Variants in EDIL3 observed in about 807,000 individuals in gnomAD.
The protein encoded by EDIL3 is EGF-like repeat and discoidin I-like domain-containing protein 3.
A neutral mutation model predicts 67.4 loss-of-function variants in EDIL3; 37 were observed. That is an observed-to-expected ratio of 0.55 (90% CI 0.42 to 0.72). EDIL3 has a LOEUF of 0.72. Among genes scored for constraint, EDIL3 ranks in the 30% least tolerant of loss-of-function variants. The pLI, the probability that EDIL3 is intolerant of heterozygous loss-of-function variation, is 0.00. For missense variants in EDIL3, 527 were observed against 586.3 expected, an observed-to-expected ratio of 0.90 and a Z score of 1.04; for synonymous variants, 195 against 196.3, an observed-to-expected ratio of 0.99 and a Z score of 0.05.
intron 3 of EDIL3, among the ~76,000 whole-genome samples, chr5:84,189,862 C>T (rs1743542047): frequency 1.3e-5 from 2 of 151,912 alleles, no homozygotes; most frequent in African/African-American, 4.8e-5. Flanking sequence ...ATGTAATGAA[C>T]ATATGACAAA....
intron 1 of EDIL3, among the ~76,000 whole-genome samples, chr5:84,261,656 C>T (rs528502658): frequency 6.6e-6 from 1 of 152,264 alleles, no homozygotes; most frequent in Admixed American, 6.5e-5. Flanking sequence ...TGCTATTTTA[C>T]TGGTAAATCA....
intron 3 of EDIL3, among the ~76,000 whole-genome samples, chr5:84,224,905 G>A (rs911765490): frequency 2.0e-5 from 3 of 151,280 alleles, no homozygotes; most frequent in Admixed American, 6.6e-5. Context: ...TTCATTTTGG[G>A]GTACAGTATC....
At chr5:84,077,193 A>C (rs1746877844) in intron 6 of EDIL3, among the ~76,000 whole-genome samples, 1 of 152,222 alleles carries the variant, frequency 6.6e-6, no homozygotes, top group African/African-American at 2.4e-5. Context: ...AGTTTTACTC[A>C]CCACTGTTTG....
chr5:84,329,619 G>A (rs146150542), intron 1 of EDIL3, among the ~76,000 whole-genome samples: 292 of 151,984 alleles, frequency 1.9e-3, no homozygotes, highest in African/African-American at 6.2e-3. Context: ...TTGATATTTC[G>A]TTGCTATGTC....
intron 4 of EDIL3, among the ~76,000 whole-genome samples, chr5:84,138,829 T>C (rs1018962430): frequency 2.0e-5 from 3 of 152,160 alleles, no homozygotes; most frequent in Admixed American, 1.3e-4. Context: ...AGAACAGAGA[T>C]AATTCATGAC....
chr5:84,031,941 A>T (rs1745932434), intron 9 of EDIL3, among the ~76,000 whole-genome samples: 1 of 152,222 alleles, frequency 6.6e-6, no homozygotes, highest in South Asian at 2.1e-4. Flanking sequence ...TAATGAAGAG[A>T]AGCACAAAAG....
At chr5:84,181,888 T>C (rs554064645) in intron 3 of EDIL3, among the ~76,000 whole-genome samples, 1 of 152,114 alleles carries the variant, frequency 6.6e-6, no homozygotes, top group Non-Finnish European at 1.5e-5. Context: ...GAAGTTAAGA[T>C]GTACATATTA....
chr5:84,258,970 C>CTTTTT (rs144344642), intron 1 of EDIL3, among the ~76,000 whole-genome samples: 1 of 77,924 alleles, frequency 1.3e-5, no homozygotes, highest in Non-Finnish European at 2.3e-5. Context: ...TTCGTAGAGT[C>CTTTTT]TTTTTTTTTT....
chr5:84,346,107 A>G (rs1367675819), intron 1 of EDIL3, among the ~76,000 whole-genome samples: 3 of 143,738 alleles, frequency 2.1e-5, no homozygotes, highest in Non-Finnish European at 4.6e-5. Context: ...TTAAATCTCT[A>G]TATCAGGAGT....
intron 6 of EDIL3, among the ~76,000 whole-genome samples, chr5:84,101,601 C>T (rs1374026428): frequency 2.0e-5 from 3 of 151,998 alleles, no homozygotes; most frequent in South Asian, 2.1e-4. Context: ...TGGAAATATA[C>T]GCCCTCCCAA....
chr5:84,367,649 G>T (rs990360198), intron 1 of EDIL3, among the ~76,000 whole-genome samples: 1 of 152,100 alleles, frequency 6.6e-6, no homozygotes, highest in Non-Finnish European at 1.5e-5. Context: ...TGGGCATGGT[G>T]GCACATGCCT....
Position 84,106,809 on chromosome 5 carries a change from A to G in EDIL3, c.491T>C (p.Ile164Thr). ...CQYKCSGPLG[I>T]EGGIISNQQI... ...CTGGTTTGATATAATTCCACCTTCA[A>G]TTCCCAGTGGGCCTGAGCATTCTGG... The change falls in exon 6 of 11, where the codon ATT (isoleucine) becomes ACT (threonine). Residue 164 changes from isoleucine to threonine, a missense_variant. Coordinates refer to ENST00000296591, the MANE Select transcript of EDIL3 (RefSeq NM_005711.5). 1 of 1,609,006 alleles carries G rather than the reference A, an allele frequency of 6.2e-7. No individual in the cohort carries two copies. Among genetic ancestry groups the G allele is most frequent in the African/African-American group, 1.3e-5 (1 of 74,710 alleles).
intron 1 of EDIL3, among the ~76,000 whole-genome samples, chr5:84,310,877 C>T (rs73144519): frequency 2.8e-3 from 428 of 152,154 alleles, no homozygotes; most frequent in African/African-American, 0.01. Context: ...GTGCGCTTAC[C>T]CAGTCAAAAA....
intron 5 of EDIL3, among the ~76,000 whole-genome samples, chr5:84,120,717 T>G (rs557603465): frequency 6.6e-6 from 1 of 151,992 alleles, no homozygotes; most frequent in African/African-American, 2.4e-5. Flanking sequence ...ATCAGTAGCA[T>G]TAGAAAACAA....
intron 9 of EDIL3, among the ~76,000 whole-genome samples, chr5:84,018,371 A>C (rs1227094627): frequency 6.6e-6 from 1 of 152,130 alleles, no homozygotes; most frequent in East Asian, 1.9e-4. Context: ...TGATAATTTA[A>C]CTCTTGCTTC....
intron 1 of EDIL3, among the ~76,000 whole-genome samples, chr5:84,330,901 C>T (rs545588272): frequency 3.3e-5 from 5 of 152,264 alleles, no homozygotes; most frequent in Admixed American, 2.0e-4. Context: ...TTGTTTATTC[C>T]CTTTTATTTC....
At chr5:84,357,351 T>C (rs1165597263) in intron 1 of EDIL3, among the ~76,000 whole-genome samples, 4 of 152,104 alleles carry the variant, frequency 2.6e-5, no homozygotes, top group Non-Finnish European at 5.9e-5. Context: ...AGTACCTCAT[T>C]AAAAATAACC....
intron 1 of EDIL3, among the ~76,000 whole-genome samples, chr5:84,260,871 C>G (rs530800055): frequency 2.0e-5 from 3 of 152,140 alleles, no homozygotes; most frequent in Non-Finnish European, 4.4e-5. Context: ...TGTTACCTCA[C>G]TAACACAAGA....
intron 1 of EDIL3, among the ~76,000 whole-genome samples, chr5:84,342,807 A>G (rs1747151465): frequency 6.6e-6 from 1 of 152,070 alleles, no homozygotes; most frequent in African/African-American, 2.4e-5. Context: ...CAGAACAGCA[A>G]GTCAATCTTT....
Sources: allele counts gnomAD v4.1 joint callset (sites outside exome capture counted in the v4.1 genomes callset), GRCh38; gene constraint gnomAD v4.1.1; transcripts MANE v1.5; gene names NCBI Gene and HGNC (gene_info 2026-07-23, HGNC 2026-07-21).